The following LRP1B variants were observed in gnomAD, a reference collection of about 807,000 sequenced individuals.
The protein encoded by LRP1B is LDL receptor related protein 1B.
LRP1B carries 217 observed loss-of-function variants against 556.6 expected under a neutral mutation model. That is an observed-to-expected ratio of 0.39 (90% CI 0.35 to 0.44). LRP1B has a LOEUF of 0.44. Ranked by LOEUF, LRP1B falls within the 20% of genes least tolerant of loss-of-function variation. The pLI is 1.00. For synonymous variants in LRP1B, 2,047 were observed against 1,865.8 expected, an observed-to-expected ratio of 1.10 and a Z score of -2.50; for missense variants, 5,053 against 5,620.8, an observed-to-expected ratio of 0.90 and a Z score of 3.23.
chr2:141,105,293 T>C (rs1420160120), intron 7 of LRP1B, among the ~76,000 whole-genome samples: 1 of 151,698 alleles, frequency 6.6e-6, no homozygotes, highest in Non-Finnish European at 1.5e-5. Flanking sequence ...CTTAGATACA[T>C]GAATTTTTGG....
At chr2:141,100,541 A>G (rs1241739872) in intron 7 of LRP1B, among the ~76,000 whole-genome samples, 1 of 152,202 alleles carries the variant, frequency 6.6e-6, no homozygotes, top group Non-Finnish European at 1.5e-5. Flanking sequence ...TTTCTTACCC[A>G]CTGGCAAGAA....
At chr2:141,624,036 C>CAAAAAAAAAAAAAATAAAAAAAAAAAAA in intron 2 of LRP1B, among the ~76,000 whole-genome samples, 1 of 90,760 alleles carries the variant, frequency 1.1e-5, no homozygotes, top group Admixed American at 1.5e-4. Context: ...AAAAATTAAA[C>CAAAAAAAAAAAAAATAAAAAAAAAAAAA]AAAAAAAAAA....
chr2:140,701,631 A>G, intron 40 of LRP1B, 90 bp downstream of exon 40: 1 of 1,297,206 alleles, frequency 7.7e-7, no homozygotes, highest in Non-Finnish European at 1.1e-6. Context: ...TTAGACTTAT[A>G]GAAGAATTTC....
At chr2:141,961,326 C>T (rs1701399262) in intron 1 of LRP1B, among the ~76,000 whole-genome samples, 1 of 151,708 alleles carries the variant, frequency 6.6e-6, no homozygotes, top group African/African-American at 2.4e-5. Context: ...ACAGCCTCCA[C>T]TTTGCCCCTC....
chr2:140,711,916 C>T (rs1359318250), intron 37 of LRP1B, among the ~76,000 whole-genome samples: 3 of 152,150 alleles, frequency 2.0e-5, no homozygotes, highest in Non-Finnish European at 4.4e-5. Context: ...AGGATATAGG[C>T]ATTTGAGACC....
At chr2:141,414,767 C>T (rs1382229488) in intron 3 of LRP1B, among the ~76,000 whole-genome samples, 3 of 152,128 alleles carry the variant, frequency 2.0e-5, no homozygotes, top group African/African-American at 7.2e-5. Context: ...CAATCATATT[C>T]CTCCAAATAA....
At chr2:141,181,578 A>T (rs1680995288) in intron 7 of LRP1B, among the ~76,000 whole-genome samples, 1 of 151,860 alleles carries the variant, frequency 6.6e-6, no homozygotes, top group Non-Finnish European at 1.5e-5. Context: ...TGGCAAAGGG[A>T]GCAAGTAGAA....
At chr2:140,658,310 T>C (rs112434427) in intron 41 of LRP1B, among the ~76,000 whole-genome samples, 4,275 of 152,120 alleles carry the variant, frequency 0.028, 113 homozygotes, top group Admixed American at 0.055. Flanking sequence ...TGTCAAATTA[T>C]ATACAAAAGG....
chr2:141,113,641 G>C (rs1341875368), intron 7 of LRP1B, among the ~76,000 whole-genome samples: 1 of 151,918 alleles, frequency 6.6e-6, no homozygotes, highest in East Asian at 1.9e-4. Flanking sequence ...CTCACCTCTG[G>C]AAATAGATGC....
At chr2:140,240,435 A>G (rs948289141) in intron 87 of LRP1B, among the ~76,000 whole-genome samples, 1 of 150,764 alleles carries the variant, frequency 6.6e-6, no homozygotes, top group South Asian at 2.1e-4. Context: ...ATACTAGATT[A>G]GCAATAGGGT....
At chr2:140,520,238 A>C (rs538768574) in intron 49 of LRP1B, among the ~76,000 whole-genome samples, 57 of 152,334 alleles carry the variant, frequency 3.7e-4, no homozygotes, top group African/African-American at 1.3e-3. Context: ...TGGATTAAGA[A>C]AATGTGCACA....
intron 1 of LRP1B, among the ~76,000 whole-genome samples, chr2:141,978,529 A>C (rs1240673292): frequency 6.6e-6 from 1 of 152,028 alleles, no homozygotes; most frequent in African/African-American, 2.4e-5. Flanking sequence ...TAAAAATTTT[A>C]TATTGTCTTC....
At chr2:140,740,385 C>T (rs1388099664) in intron 35 of LRP1B, among the ~76,000 whole-genome samples, 1 of 152,112 alleles carries the variant, frequency 6.6e-6, no homozygotes, top group African/African-American at 2.4e-5. Context: ...AGATTGGAGA[C>T]TATTATTCTA....
At chr2:141,932,070 G>T (rs1425973005) in intron 1 of LRP1B, among the ~76,000 whole-genome samples, 1 of 151,892 alleles carries the variant, frequency 6.6e-6, no homozygotes, top group Non-Finnish European at 1.5e-5. Context: ...TCCAGTAAGG[G>T]GTAATGAGAA....
At chr2:141,361,744 TGAA>T (rs915039305) in intron 3 of LRP1B, among the ~76,000 whole-genome samples, 1 of 152,226 alleles carries the variant, frequency 6.6e-6, no homozygotes, top group African/African-American at 2.4e-5. Flanking sequence ...TGAAGTTATC[TGAA>T]GAAGAACGCT....
chr2:140,514,010 T>C (rs1262084573), intron 51 of LRP1B, among the ~76,000 whole-genome samples: 1 of 152,002 alleles, frequency 6.6e-6, no homozygotes, highest in Non-Finnish European at 1.5e-5. Context: ...CCTTAGGAAA[T>C]TCAGTGAATA....
In LRP1B at chr2:140,601,500, G is replaced by A. The variant is rs1303051999; in HGVS notation, c.6939C>T (p.Thr2313=). Residue 2313 remains threonine (T), a synonymous_variant, in exon 42 of 91, where the codon ACC becomes ACT. Coordinates refer to ENST00000389484, the MANE Select transcript of LRP1B (RefSeq NM_018557.3). ...PGAFDREAVI[T]MSEDDHPHVL... ...CATGTGGATGGTCATCTTCTGACAT[G>A]GTGATGACAGCTTCCCTGTCAAATG... The A allele has an allele frequency of 3.1e-6, 5 of 1,612,996 alleles. No individual in the cohort carries two copies. In the South Asian group the frequency reaches 4.4e-5, roughly 14 times the overall value.
At chr2:141,784,062 T>C (rs943413065) in intron 2 of LRP1B, among the ~76,000 whole-genome samples, 3 of 151,992 alleles carry the variant, frequency 2.0e-5, no homozygotes, top group African/African-American at 4.8e-5. Context: ...CTTTTTTAAG[T>C]GATCGCATTT....
At chr2:140,274,736 A>G (rs1041090064) in intron 84 of LRP1B, 138 bp from the exon 85 acceptor site, 5 of 651,958 alleles carry the variant, frequency 7.7e-6, no homozygotes, top group African/African-American at 1.8e-5. Context: ...ATAATTACAC[A>G]TGAAGTAGAA....
Sources: gnomAD v4.1 joint callset for allele counts (sites outside exome capture counted in the v4.1 genomes callset) on GRCh38, gnomAD v4.1.1 for gene constraint, MANE v1.5 for transcripts, NCBI Gene and HGNC (gene_info 2026-07-23, HGNC 2026-07-21) for gene names.